The following RTN4 variants were observed in gnomAD, a reference collection of about 807,000 sequenced individuals.
The protein encoded by RTN4 is reticulon 4.
RTN4 carries 32 observed loss-of-function variants against 90.4 expected under a neutral mutation model. The observed-to-expected ratio is 0.35, with a 90% confidence interval of 0.27 to 0.48. The LOEUF (loss-of-function observed/expected upper bound fraction) is 0.48, where lower values mean the gene tolerates loss of function less well. RTN4 is among the 20% of genes least tolerant of loss of function. RTN4 has a pLI of 0.99. For missense variants in RTN4, 1,706 were observed against 1,430.2 expected (o/e 1.19, Z -3.11); for synonymous variants, 629 against 552.5 (o/e 1.14, Z -1.94).
Position 54,989,084 on chromosome 2 carries a change from T to C in RTN4, c.3014-1386A>G, listed in dbSNP as rs1252514411. On this transcript the variant is annotated intron_variant, in intron 3 of 8. Coordinates refer to ENST00000337526, the MANE Select transcript of RTN4 (RefSeq NM_020532.5). ...GATCCCCAAGGTCCCCTAAGATGTA[T>C]GTAACTTTCCTTTGCTCTTAAGGGT... 6.6e-5 allele frequency among the ~76,000 whole-genome samples: 10 copies of C among 152,320 alleles called. No individual in the cohort carries two copies. In the South Asian group the frequency reaches 1.5e-3, roughly 22 times the overall value.
At chr2:55,050,820 C>G (rs17046628), upstream of RTN4, 138,053 of 151,648 alleles carry the variant, frequency 0.91, 62,933 homozygotes, top group Middle Eastern at 0.98. This position sits in a 1 kb window ranked among gnomAD's most constrained non-coding sequence, Gnocchi z 4.6. Flanking sequence ...CCGCAGCTGG[C>G]GTCCGTATGT....
chr2:55,133,211 A>C, the RTN4 span, among the ~76,000 whole-genome samples: 2 of 152,232 alleles, frequency 1.3e-5, no homozygotes, highest in African/African-American at 4.8e-5. Context: ...ACTCTGTCTC[A>C]AAAAACTAAA....
intron 1 of RTN4, among the ~76,000 whole-genome samples, chr2:55,103,371 G>A (rs376210043): frequency 3.9e-5 from 6 of 152,112 alleles, no homozygotes; most frequent in African/African-American, 1.4e-4. Context: ...AGTTATGCAA[G>A]ATAAATAAGT....
intron 1 of RTN4, among the ~76,000 whole-genome samples, chr2:55,034,654 T>C (rs566952810): frequency 1.3e-5 from 2 of 152,308 alleles, no homozygotes; most frequent in African/African-American, 4.8e-5. Flanking sequence ...GAAAATGATA[T>C]GAGATGTAAA....
intron 1 of RTN4, among the ~76,000 whole-genome samples, chr2:55,080,821 C>T (rs1668697652): frequency 6.6e-6 from 1 of 152,206 alleles, no homozygotes. Context: ...TATCCACAAA[C>T]TGTCCCATAG....
At chr2:55,052,628 A>AT (rs1668116992), upstream of RTN4, among the ~76,000 whole-genome samples, 1 of 152,202 alleles carries the variant, frequency 6.6e-6, no homozygotes, top group Admixed American at 6.5e-5. Context: ...TGCCAAATGA[A>AT]TTTAAACAAA....
chr2:55,081,370 A>G (rs556279788), intron 1 of RTN4, among the ~76,000 whole-genome samples: 11 of 152,124 alleles, frequency 7.2e-5, no homozygotes, highest in Non-Finnish European at 1.5e-4. Context: ...AGCCACCACA[A>G]CCAGCCTTCA....
chr2:55,022,027 A>G (rs1228808563), intron 3 of RTN4, among the ~76,000 whole-genome samples: 1 of 152,244 alleles, frequency 6.6e-6, no homozygotes, highest in Non-Finnish European at 1.5e-5. Context: ...ATTCCCATTA[A>G]GCTTTCAAAG....
At chr2:55,109,791 G>A (rs1668004427) in intron 1 of RTN4, among the ~76,000 whole-genome samples, 1 of 152,188 alleles carries the variant, frequency 6.6e-6, no homozygotes. Context: ...CAGGCAGAGA[G>A]TAAATATGCC....
intron 1 of RTN4, among the ~76,000 whole-genome samples, chr2:55,045,635 A>G (rs980133574): frequency 1.4e-4 from 22 of 152,344 alleles, no homozygotes; most frequent in African/African-American, 4.6e-4. Flanking sequence ...GTGAAAAACA[A>G]TAACTTTAGA....
chr2:55,132,257 C>T, the RTN4 span, among the ~76,000 whole-genome samples: 10 of 152,190 alleles, frequency 6.6e-5, no homozygotes. Flanking sequence ...AATCCCAGCA[C>T]TTTGGGAGGC....
upstream of RTN4, among the ~76,000 whole-genome samples, chr2:55,055,551 A>G (rs992328853): frequency 2.0e-5 from 3 of 152,084 alleles, no homozygotes; most frequent in Non-Finnish European, 4.4e-5. Flanking sequence ...GCGGATCACG[A>G]GGTCAGGAGA....
intron 1 of RTN4, among the ~76,000 whole-genome samples, chr2:55,090,987 T>G (rs561480059): frequency 2.0e-5 from 3 of 152,294 alleles, no homozygotes; most frequent in African/African-American, 7.2e-5. Context: ...TCAACTTCTC[T>G]GCACATCTCC....
At chr2:55,116,983 C>T (rs1573527933), upstream of RTN4, among the ~76,000 whole-genome samples, 1 of 148,604 alleles carries the variant, frequency 6.7e-6, no homozygotes, top group African/African-American at 2.5e-5. Context: ...AAGCAATTCT[C>T]CTGCTGCAGC....
chr2:55,001,437 T>C (rs76100298), intron 3 of RTN4, among the ~76,000 whole-genome samples: 1,815 of 152,334 alleles, frequency 0.012, 27 homozygotes, highest in Middle Eastern at 0.041. Flanking sequence ...TATTGTTAAA[T>C]GGTCCCTGCA....
chr2:55,049,691 C>G, intron 1 of RTN4, 54 bp downstream of exon 1: 1 of 1,446,666 alleles, frequency 6.9e-7, no homozygotes. Flanking sequence ...GGGCTGCACA[C>G]AAAAGAGGGA....
intron 3 of RTN4, among the ~76,000 whole-genome samples, chr2:55,013,161 G>A (rs1285037585): frequency 6.6e-6 from 1 of 152,098 alleles, no homozygotes; most frequent in Non-Finnish European, 1.5e-5. Flanking sequence ...AGTGTTGTAT[G>A]AATTCTAAGC....
intron 3 of RTN4, among the ~76,000 whole-genome samples, chr2:55,005,716 T>G (rs1392216074): frequency 6.6e-6 from 1 of 152,158 alleles, no homozygotes; most frequent in Admixed American, 6.6e-5. Context: ...TTGGAAATAT[T>G]TTGGAATACT....
rs550716527 is a variant in RTN4, at chr2:55,104,179, C to A, written c.-214+8341G>T. Among the ~76,000 whole-genome samples the A allele has an allele frequency of 2.6e-5, 4 of 151,326 alleles. 1 individual carries two copies. The South Asian group carries it at 8.3e-4, about 32-fold the overall frequency. On this transcript the variant is annotated intron_variant, in intron 1 of 3. Coordinates refer to the RTN4 transcript ENST00000427710. ...GATTCTCCTGGGTCAGCCTCCCCAG[C>A]AGCTAAGATTACAGACACGCACCAC...
Sources: allele counts gnomAD v4.1 joint callset (sites outside exome capture counted in the v4.1 genomes callset), GRCh38; gene constraint gnomAD v4.1.1; non-coding constraint Gnocchi (gnomAD v3.1); transcripts MANE v1.5; gene names NCBI Gene and HGNC (gene_info 2026-07-23, HGNC 2026-07-21).